SGCZ: variants seen among roughly 807,000 people sequenced by gnomAD.
SGCZ encodes the protein sarcoglycan zeta, also known as zeta-sarcoglycan.
In SGCZ, 40 loss-of-function variants were observed where a neutral mutation model predicts 41.3. That is an observed-to-expected ratio of 0.97 (90% CI 0.75 to 1.26). The LOEUF (loss-of-function observed/expected upper bound fraction) is 1.26. Among genes scored for constraint, SGCZ ranks in the 50% most tolerant of loss-of-function variants. The pLI, the probability that SGCZ is intolerant of heterozygous loss-of-function variation, is 0.00. For synonymous variants in SGCZ, 206 were observed against 137.5 expected, an observed-to-expected ratio of 1.50 and a Z score of -3.49; for missense variants, 552 against 369.8, an observed-to-expected ratio of 1.49 and a Z score of -4.04.
chr8:14,769,788 A>T, intron 1 of SGCZ, among the ~76,000 whole-genome samples: 1 of 140,546 alleles, frequency 7.1e-6, no homozygotes. Flanking sequence ...AGAGCAAAAC[A>T]CCATTAAAAA....
In SGCZ at chr8:14,318,982, T is replaced by A. The variant is rs191118950; in HGVS notation, c.336+5121A>T. ...TAGAGAGCGTAAGGGCAAAACTTAT[T>A]TGAAAAAAAATAAATGAATGGAATC... On this transcript the variant is annotated intron_variant, in intron 3 of 7. Coordinates refer to ENST00000382080, the MANE Select transcript of SGCZ (RefSeq NM_139167.4). 2.8e-3 allele frequency among the ~76,000 whole-genome samples: 431 copies of A among 151,814 alleles called. 3 individuals carry two copies. The highest frequency in any genetic ancestry group is 9.9e-3 in the African/African-American group (409 of 41,474).
chr8:15,083,436 C>G (rs1453020893), intron 1 of SGCZ, among the ~76,000 whole-genome samples: 2 of 152,084 alleles, frequency 1.3e-5, no homozygotes, highest in African/African-American at 4.8e-5. Context: ...TAAAAATTTC[C>G]TTTAATTCTC....
intron 1 of SGCZ, among the ~76,000 whole-genome samples, chr8:14,935,990 T>G (rs1238496904): frequency 2.6e-5 from 4 of 151,846 alleles, no homozygotes; most frequent in Non-Finnish European, 5.9e-5. Context: ...AGGAAGACAA[T>G]TTCCATGCGA....
At chr8:14,400,023 C>G (rs1799027938) in intron 2 of SGCZ, among the ~76,000 whole-genome samples, 1 of 152,120 alleles carries the variant, frequency 6.6e-6, no homozygotes, top group South Asian at 2.1e-4. Context: ...CCCCTGTTCC[C>G]TTCCCCCAAT....
intron 2 of SGCZ, among the ~76,000 whole-genome samples, chr8:14,346,827 A>T (rs947923950): frequency 3.9e-5 from 6 of 151,992 alleles, no homozygotes; most frequent in Non-Finnish European, 5.9e-5. Context: ...GTGTGCGCGC[A>T]TGTTTGTTAT....
chr8:14,605,051 C>T (rs1805706085), intron 1 of SGCZ, among the ~76,000 whole-genome samples: 1 of 152,036 alleles, frequency 6.6e-6, no homozygotes, highest in Non-Finnish European at 1.5e-5. Flanking sequence ...AATTTGAGTC[C>T]ATTATTTGTT....
chr8:14,364,319 T>A (rs978231805), intron 2 of SGCZ, among the ~76,000 whole-genome samples: 3 of 152,168 alleles, frequency 2.0e-5, no homozygotes, highest in Non-Finnish European at 4.4e-5. Context: ...CTATCAAAAA[T>A]GATGCTGAAC....
At chr8:14,980,231 C>G (rs1801616721) in intron 1 of SGCZ, among the ~76,000 whole-genome samples, 1 of 152,036 alleles carries the variant, frequency 6.6e-6, no homozygotes, top group African/African-American at 2.4e-5. Flanking sequence ...GTGCTCTTTC[C>G]CTGATCCTAA....
intron 3 of SGCZ, among the ~76,000 whole-genome samples, chr8:14,300,138 T>A (rs1000186802): frequency 6.6e-6 from 1 of 151,960 alleles, no homozygotes; most frequent in Non-Finnish European, 1.5e-5. Context: ...GATTGTGATG[T>A]GAATTACAAG....
intron 1 of SGCZ, among the ~76,000 whole-genome samples, chr8:14,889,411 C>A (rs181505485): frequency 2.0e-5 from 3 of 151,904 alleles, no homozygotes; most frequent in Admixed American, 1.3e-4. Context: ...GAGAATAAAA[C>A]GCCTAATTAG....
intron 3 of SGCZ, among the ~76,000 whole-genome samples, chr8:14,306,377 G>C (rs1055094669): frequency 6.6e-6 from 1 of 152,160 alleles, no homozygotes; most frequent in African/African-American, 2.4e-5. Context: ...TTAGGTGCTT[G>C]ATTAACTATT....
chr8:14,275,816 C>A (rs533803166), intron 3 of SGCZ, among the ~76,000 whole-genome samples: 8 of 152,080 alleles, frequency 5.3e-5, no homozygotes, highest in Non-Finnish European at 1.2e-4. Flanking sequence ...CCTGGGAATC[C>A]AAGGATCCAC....
At chr8:14,762,080 T>A (rs1438827341) in intron 1 of SGCZ, among the ~76,000 whole-genome samples, 3 of 152,198 alleles carry the variant, frequency 2.0e-5, no homozygotes, top group Non-Finnish European at 4.4e-5. Flanking sequence ...CACATTGACA[T>A]GGAACTCTGA....
chr8:14,183,842 A>G (rs1345479815), intron 4 of SGCZ, among the ~76,000 whole-genome samples: 1 of 152,188 alleles, frequency 6.6e-6, no homozygotes, highest in Non-Finnish European at 1.5e-5. Context: ...AGAATGGAAT[A>G]AAAGTATTGA....
intron 1 of SGCZ, among the ~76,000 whole-genome samples, chr8:15,057,149 C>CA (rs1220477255): frequency 6.0e-4 from 91 of 152,294 alleles, no homozygotes; most frequent in African/African-American, 2.1e-3. Context: ...ACAGCACTTT[C>CA]AGGGGAAGAA....
At chr8:14,574,614 C>T (rs1429644642) in intron 1 of SGCZ, among the ~76,000 whole-genome samples, 2 of 152,170 alleles carry the variant, frequency 1.3e-5, no homozygotes, top group African/African-American at 4.8e-5. Context: ...ATGGTTGTTC[C>T]TCCTTTATTG....
intron 2 of SGCZ, among the ~76,000 whole-genome samples, chr8:14,445,772 T>A (rs1800414372): frequency 6.6e-6 from 1 of 152,168 alleles, no homozygotes; most frequent in Non-Finnish European, 1.5e-5. Context: ...ACTGAGCTGT[T>A]AGTCTGCAGA....
intron 2 of SGCZ, among the ~76,000 whole-genome samples, chr8:14,387,010 A>G (rs1480674337): frequency 1.3e-5 from 2 of 152,200 alleles, no homozygotes; most frequent in Non-Finnish European, 2.9e-5. Flanking sequence ...AAAGTAAAGT[A>G]CTTACTGAGG....
chr8:14,657,569 T>C (rs1807616485), intron 1 of SGCZ, among the ~76,000 whole-genome samples: 1 of 152,158 alleles, frequency 6.6e-6, no homozygotes, highest in Non-Finnish European at 1.5e-5. Context: ...ATTTATTCTT[T>C]TTCTTGGGAA....
Sources: allele counts gnomAD v4.1 joint callset (sites outside exome capture counted in the v4.1 genomes callset), GRCh38; gene constraint gnomAD v4.1.1; transcripts MANE v1.5; gene names NCBI Gene and HGNC (gene_info 2026-07-23, HGNC 2026-07-21).